Variants in ADCY8 observed in about 807,000 individuals in gnomAD.
ADCY8 encodes the protein adenylate cyclase 8, also known as adenylate cyclase type 8.
A neutral mutation model predicts 119.7 loss-of-function variants in ADCY8; 51 were observed. The ratio of observed to expected loss-of-function variants is 0.43; its 90% CI spans 0.34 to 0.54. The LOEUF is 0.54. ADCY8 is among the 20% of genes least tolerant of loss of function. ADCY8 has a pLI of 0.03. For synonymous variants in ADCY8, 665 were observed against 651.0 expected (o/e 1.02, Z -0.33); for missense variants, 1,383 against 1,598.8 (o/e 0.87, Z 2.30).
intron 7 of ADCY8, among the ~76,000 whole-genome samples, chr8:130,895,342 G>A (rs1232840008): frequency 6.6e-6 from 1 of 152,094 alleles, no homozygotes; most frequent in Non-Finnish European, 1.5e-5. Flanking sequence ...AACCGTGGCT[G>A]CATGATGTAT....
chr8:130,884,595 A>G lies in ADCY8; in HGVS notation c.2078T>C (p.Leu693Pro). 6.2e-7 allele frequency: 1 copy of G among 1,613,856 alleles called. No individual in the cohort carries two copies. The highest frequency in any genetic ancestry group is 1.7e-4 in the Middle Eastern group (1 of 6,056). The change falls in exon 8 of 18, where the codon CTG becomes CCG. Residue 693 changes from leucine to proline, a missense_variant. Transcript: ENST00000286355. ...CTCCAGGCTGGAGTCTTTAAACATC[A>G]GTGAGAATGGCTTGATATGCTCTCT... ...LRREHIKPFSLMFKDSSLEHK... is the reference protein window; with the variant it reads ...LRREHIKPFSPMFKDSSLEHK...
intron 2 of ADCY8, among the ~76,000 whole-genome samples, chr8:130,963,061 A>G (rs1203930001): frequency 6.6e-6 from 1 of 151,842 alleles, no homozygotes; most frequent in East Asian, 1.9e-4. Flanking sequence ...GGCAACTCAG[A>G]GTCACGCATT....
At chr8:131,024,296 C>T (rs1823760882) in intron 1 of ADCY8, among the ~76,000 whole-genome samples, 1 of 152,114 alleles carries the variant, frequency 6.6e-6, no homozygotes, top group South Asian at 2.1e-4. Context: ...AATAATACAG[C>T]CCAGTGTTTG....
At chr8:131,004,147 G>A (rs1823041092) in intron 1 of ADCY8, among the ~76,000 whole-genome samples, 1 of 152,138 alleles carries the variant, frequency 6.6e-6, no homozygotes. Flanking sequence ...GGTGGATGTA[G>A]TCTAGTGTAC....
intron 9 of ADCY8, among the ~76,000 whole-genome samples, chr8:130,862,697 G>GCCAC (rs1817979584): frequency 6.6e-6 from 1 of 152,212 alleles, no homozygotes; most frequent in Non-Finnish European, 1.5e-5. Context: ...ACAGGCGTGA[G>GCCAC]CCACCGCGCC....
rs374233498 is a variant in ADCY8, at chr8:130,816,627, G to A, written c.2755-2400C>T. Among the ~76,000 whole-genome samples, 77 of 151,808 alleles carry A rather than the reference G, an allele frequency of 5.1e-4. 1 individual carries two copies. In the South Asian group the frequency reaches 1.0e-2, roughly 20 times the overall value. ...TTTTTAGTAGAGACAGGGTTTCACC[G>A]TGTTAGCCAGGATGGTCTTGATCTC... On this transcript the variant is annotated intron_variant, in intron 13 of 17. Coordinates refer to ENST00000286355, the MANE Select transcript of ADCY8 (RefSeq NM_001115.3).
Position 131,019,825 on chromosome 8 carries a change from C to CTCTCTGTCTG in ADCY8, c.960+19548_960+19549insCAGACAGAGA, listed in dbSNP as rs1563770536. On this transcript the variant is annotated intron_variant, in intron 1 of 17. Coordinates refer to ENST00000286355, the MANE Select transcript of ADCY8 (RefSeq NM_001115.3). ...TCTCTCTCTCTCTCTCTCTCTCTCTCTCTCTCTCTCTCTGTCTGTCTCTCT... is the reference window on the plus strand; with the variant it reads ...TCTCTCTCTCTCTCTCTCTCTCTCTCTCTCTGTCTGTCTCTCTCTCTCTGTCTGTCTCTCT... 3.2e-5 allele frequency among the ~76,000 whole-genome samples: 4 copies of CTCTCTGTCTG among 124,692 alleles called. No homozygotes were observed. In the East Asian group the frequency reaches 8.1e-4, roughly 25 times the overall value. The allele number at this position is 124,692 out of a possible 152,430, so 81.8% of individuals were successfully genotyped here.
Position 131,040,407 on chromosome 8 carries a change from G to A in ADCY8, c.-74C>T. ...GAGGAGGGGTTCCTAAAGACTCAAAGGCGGCCTGGTAGGAGCTTGGCAAGG... is the reference window on the plus strand; with the variant it reads ...GAGGAGGGGTTCCTAAAGACTCAAAAGCGGCCTGGTAGGAGCTTGGCAAGG... On this transcript the variant is annotated 5_prime_UTR_variant, in exon 1 of 18. Transcript: ENST00000286355. 2 of 1,408,890 alleles carry A rather than the reference G, an allele frequency of 1.4e-6. No homozygotes were observed. The highest frequency in any genetic ancestry group is 1.8e-6 in the Non-Finnish European group (2 of 1,087,720). 87.3% of individuals were successfully genotyped at this position (1,408,890 alleles called of 1,614,324 possible).
At chr8:130,808,551 AG>A (rs1816055521) in intron 14 of ADCY8, among the ~76,000 whole-genome samples, 1 of 152,188 alleles carries the variant, frequency 6.6e-6, no homozygotes, top group African/African-American at 2.4e-5. Flanking sequence ...AGGTCCAGAA[AG>A]GGTTATTATC....
intron 1 of ADCY8, among the ~76,000 whole-genome samples, chr8:131,034,739 T>A (rs1563776192): frequency 6.6e-6 from 1 of 152,166 alleles, no homozygotes; most frequent in Non-Finnish European, 1.5e-5. Context: ...CTTATCTATC[T>A]CACCAAGAGG....
At chr8:130,990,583 C>G (rs779609935) in intron 1 of ADCY8, 41 bp from the exon 2 acceptor site, 1 of 1,594,166 alleles carries the variant, frequency 6.3e-7, no homozygotes, top group Non-Finnish European at 8.6e-7. Context: ...AAAACAAAAG[C>G]TATTTACAAG....
chr8:130,822,563 CAT>C, intron 12 of ADCY8, among the ~76,000 whole-genome samples: 1 of 151,374 alleles, frequency 6.6e-6, no homozygotes, highest in Non-Finnish European at 1.5e-5. Context: ...TCCATCCATC[CAT>C]CCATCCATCC....
At chr8:130,820,820 G>T (rs1316918531) in intron 13 of ADCY8, among the ~76,000 whole-genome samples, 1 of 152,202 alleles carries the variant, frequency 6.6e-6, no homozygotes, top group Non-Finnish European at 1.5e-5. Flanking sequence ...ATGCAAGTCA[G>T]TGCACAAAAT....
intron 5 of ADCY8, among the ~76,000 whole-genome samples, chr8:130,929,782 T>TTATTTGC (rs1820579507): frequency 6.6e-6 from 1 of 152,192 alleles, no homozygotes; most frequent in South Asian, 2.1e-4. Flanking sequence ...TCCCTTCATA[T>TTATTTGC]CTATTAATAT....
chr8:130,798,779 T>C (rs1034172449), intron 15 of ADCY8, among the ~76,000 whole-genome samples: 5 of 152,062 alleles, frequency 3.3e-5, no homozygotes, highest in African/African-American at 7.3e-5. Context: ...ATTAAGAAAG[T>C]TGATGAGATG....
chr8:130,833,626 C>G (rs776208850), intron 12 of ADCY8, among the ~76,000 whole-genome samples: 1 of 152,160 alleles, frequency 6.6e-6, no homozygotes, highest in African/African-American at 2.4e-5. Context: ...GGATCTGGGA[C>G]TTCCCAGCCT....
chr8:131,034,294 G>A (rs1188244419), intron 1 of ADCY8, among the ~76,000 whole-genome samples: 1 of 151,922 alleles, frequency 6.6e-6, no homozygotes, highest in African/African-American at 2.4e-5. Context: ...ATAAATGATG[G>A]GAGAGAAGTT....
intron 1 of ADCY8, among the ~76,000 whole-genome samples, chr8:131,011,789 A>G (rs1199308767): frequency 6.6e-6 from 1 of 152,148 alleles, no homozygotes; most frequent in East Asian, 1.9e-4. Context: ...TGGTTCCAAC[A>G]CTGACTCTAC....
chr8:130,800,517 C>A lies in ADCY8; in HGVS notation c.2969G>T (p.Gly990Val). Residue 990 changes from glycine (G) to valine (V), a missense_variant, in exon 15 of 18, where the codon GGA (glycine) becomes GTA (valine). This residue lies in a region of ADCY8 where 928 missense variants were observed against 1,163.5 expected (regional missense o/e 0.80). Transcript: ENST00000286355. ...AVGVMFASIPGFADFYSQTEM... is the reference protein window; with the variant it reads ...AVGVMFASIPVFADFYSQTEM... ...AGTCTGAGAGTAAAAGTCCGCAAAT[C>A]CTGGGATGGAGGCAAACATCACCCC... 2.5e-6 allele frequency: 4 copies of A among 1,614,142 alleles called. No individual in the cohort carries two copies. Among genetic ancestry groups the A allele is most frequent in the Non-Finnish European group, 3.4e-6 (4 of 1,180,022 alleles).
Sources: allele counts gnomAD v4.1 joint callset (sites outside exome capture counted in the v4.1 genomes callset), GRCh38; gene constraint gnomAD v4.1.1; regional missense constraint gnomAD v4.1.1; transcripts MANE v1.5; gene names NCBI Gene and HGNC (gene_info 2026-07-23, HGNC 2026-07-21).